TIGD5: variants seen among roughly 807,000 people sequenced by gnomAD.
TIGD5 encodes tigger transposable element derived 5, also known as tigger transposable element-derived protein 5.
A neutral mutation model predicts 28.8 loss-of-function variants in TIGD5; 24 were observed. The observed-to-expected ratio is 0.83, with a 90% CI of 0.60 to 1.17. The LOEUF is 1.17. Ranked by LOEUF, TIGD5 falls within the 50% of genes most tolerant of loss-of-function variation. The probability of loss-of-function intolerance (pLI) is 0.00; values close to 1 mark genes in which losing one functional copy is unlikely to be tolerated. For synonymous variants in TIGD5, 538 were observed against 430.5 expected, an observed-to-expected ratio of 1.25 and a Z score of -3.09; for missense variants, 922 against 911.4, an observed-to-expected ratio of 1.01 and a Z score of -0.15.
At position 143,599,779 on chromosome 8, in the gene TIGD5, C is replaced by T. The variant is rs747170487; in HGVS notation, c.1876C>T (p.Arg626Trp). 1.2e-5 allele frequency: 18 copies of T among 1,486,072 alleles called. No homozygotes were observed. Among genetic ancestry groups the T allele is most frequent in the South Asian group, 4.1e-5 (3 of 73,470 alleles). 92.1% of individuals were successfully genotyped at this position (1,486,072 alleles called of 1,614,324 possible). A position where few individuals can be genotyped will look rare whatever the true frequency, so the allele number is the denominator to read the frequency against. The change falls in exon 1 of 1, where the codon CGG (arginine) becomes TGG (tryptophan). Residue 626 changes from arginine to tryptophan, a missense_variant. Transcript: ENST00000504548. ...GTTGCGCTCACTCATCAGCATGGCC[C>T]GGAGGCTGGGGGGCATCGGGCATAC... Reference protein sequence around the residue: ...VQLRSLISMARRLGGIGHTPA... With the variant: ...VQLRSLISMAWRLGGIGHTPA...
Position 143,599,676 on chromosome 8 carries a change from C to T in TIGD5, c.1773C>T (p.Ala591=), listed in dbSNP as rs772526945. ...CCTCAGTGCCGACTGCCGGGGAGGC[C>T]GTGCGGGGGCTAGAAACAGCTCTGC... ...GGTSVPTAGE[A]VRGLETALRW... is the part of the protein sequence containing the mutation. Residue 591 remains alanine (A), a synonymous_variant, in exon 1 of 1, where the codon GCC becomes GCT. Transcript: ENST00000504548. The T allele has an allele frequency of 5.9e-5, 89 of 1,516,682 alleles. No individual in the cohort carries two copies. Among genetic ancestry groups the T allele is most frequent in the Non-Finnish European group, 7.5e-5 (85 of 1,136,876 alleles). The allele number at this position is 1,516,682 out of a possible 1,614,324, so 94.0% of individuals were successfully genotyped here. A position where few individuals can be genotyped will look rare whatever the true frequency, so the allele number is the denominator to read the frequency against.
At position 143,598,988 on chromosome 8, in the gene TIGD5, G is replaced by A; in HGVS notation, c.1085G>A (p.Cys362Tyr). The A allele has an allele frequency of 6.4e-7, 1 of 1,569,178 alleles. No homozygotes were observed. The highest frequency in any genetic ancestry group is 8.6e-7 in the Non-Finnish European group (1 of 1,163,264). Residue 362 changes from cysteine to tyrosine, a missense_variant, in exon 1 of 1, where the codon TGC becomes TAC. Physicochemically the swap from Cys to Tyr is radical, Grantham distance 194. Coordinates refer to ENST00000504548, the MANE Select transcript of TIGD5 (RefSeq NM_032862.5). The surrounding 1 kb of genome is among the most constrained non-coding windows in gnomAD (Gnocchi z 6.6). ...GTGCTGCTGGTGGCCCACCCGCCCTGCCCAAGCCCAGCTGCCAGTATGCCC... is the reference window on the plus strand; with the variant it reads ...GTGCTGCTGGTGGCCCACCCGCCCTACCCAAGCCCAGCTGCCAGTATGCCC... ...KAVLLVAHPP[C>Y]PSPAASMPAL...
chr8:143,599,277 C>T lies in TIGD5; in HGVS notation c.1374C>T (p.Leu458=). Residue 458 remains leucine, a synonymous_variant, in exon 1 of 1, where the codon CTC becomes CTT. Transcript: ENST00000504548. ...FMRSFMLKDM[L]YLAGLSWDLV... ...GCAGCTTCATGCTCAAGGACATGCT[C>T]TACCTGGCTGGCCTCTCCTGGGACC... The T allele has an allele frequency of 1.2e-6, 2 of 1,610,884 alleles. No individual in the cohort carries two copies. Among genetic ancestry groups the T allele is most frequent in the Non-Finnish European group, 1.7e-6 (2 of 1,179,272 alleles).
At position 143,598,761 on chromosome 8, in the gene TIGD5, C is replaced by G. The variant is rs756001034; in HGVS notation, c.858C>G (p.Ser286Arg). Residue 286 changes from serine to arginine, a missense_variant, in exon 1 of 1, where the codon AGC (serine) becomes AGG (arginine). Coordinates refer to ENST00000504548, the MANE Select transcript of TIGD5 (RefSeq NM_032862.5). This position sits in a 1 kb window ranked among gnomAD's most constrained non-coding sequence, Gnocchi z 6.6. The part of the protein sequence containing the change: ...TVLLAANLTG[S>R]HKLKPLVIGR... Reference sequence around the variant, plus strand: ...TGCTGGCCGCAAACCTGACCGGCAGCCACAAGCTGAAGCCGCTGGTCATCG... The same window carrying G: ...TGCTGGCCGCAAACCTGACCGGCAGGCACAAGCTGAAGCCGCTGGTCATCG... The G allele has an allele frequency of 5.0e-6, 8 of 1,588,940 alleles. No homozygotes were observed. In the African/African-American group the frequency reaches 1.1e-4, roughly 21 times the overall value.
At position 143,600,247 on chromosome 8, in the gene TIGD5, C is replaced by T; in HGVS notation, c.*415C>T. 4.7e-6 allele frequency: 1 copy of T among 210,916 alleles called. No homozygotes were observed. Among genetic ancestry groups the T allele is most frequent in the Non-Finnish European group, 9.4e-6 (1 of 106,892 alleles). 13.1% of individuals were successfully genotyped at this position (210,916 alleles called of 1,614,324 possible). A position where few individuals can be genotyped will look rare whatever the true frequency, so the allele number is the denominator to read the frequency against. Reference sequence around the variant, plus strand: ...TGTGGCCCCGGAGCCACAGCACAATCATCTCAGTGGCGAAGCACACCACTT... The same window carrying T: ...TGTGGCCCCGGAGCCACAGCACAATTATCTCAGTGGCGAAGCACACCACTT... On this transcript the variant is annotated 3_prime_UTR_variant, in exon 1 of 1. Transcript: ENST00000504548.
Position 143,599,780 on chromosome 8 carries a change from G to A in TIGD5, c.1877G>A (p.Arg626Gln), listed in dbSNP as rs771134406. The A allele has an allele frequency of 1.1e-5, 17 of 1,485,782 alleles. No individual in the cohort carries two copies. In the Admixed American group the frequency reaches 2.4e-4, roughly 21 times the overall value. 92.0% of individuals were successfully genotyped at this position (1,485,782 alleles called of 1,614,324 possible). Reference sequence around the variant, plus strand: ...TTGCGCTCACTCATCAGCATGGCCCGGAGGCTGGGGGGCATCGGGCATACC... The same window carrying A: ...TTGCGCTCACTCATCAGCATGGCCCAGAGGCTGGGGGGCATCGGGCATACC... ...VQLRSLISMARRLGGIGHTPA... is the reference protein window; with the variant it reads ...VQLRSLISMAQRLGGIGHTPA... The change falls in exon 1 of 1, where the codon CGG becomes CAG. Residue 626 changes from arginine to glutamine, a missense_variant. Arg to Gln is a conservative substitution (Grantham distance 43). Coordinates refer to ENST00000504548, the MANE Select transcript of TIGD5 (RefSeq NM_032862.5).
chr8:143,602,147 C>T lies in TIGD5; in HGVS notation c.*2315C>T, dbSNP rs1272161182. On this transcript the variant is annotated 3_prime_UTR_variant, in exon 1 of 1. Coordinates refer to ENST00000504548, the MANE Select transcript of TIGD5 (RefSeq NM_032862.5). ...GCACGCTGGTGGGGACATTAGGAGCCTGTCAAGAGTGGGTCTGCCTGCTGG... is the reference window on the plus strand; with the variant it reads ...GCACGCTGGTGGGGACATTAGGAGCTTGTCAAGAGTGGGTCTGCCTGCTGG... 6.6e-6 allele frequency: 1 copy of T among 150,828 alleles called. No individual in the cohort carries two copies. The highest frequency in any genetic ancestry group is 1.5e-5 in the Non-Finnish European group (1 of 67,916). The allele number at this position is 150,828 out of a possible 1,614,324, so 9.3% of individuals were successfully genotyped here.
At position 143,598,197 on chromosome 8, in the gene TIGD5, G is replaced by T. The variant is rs759071922; in HGVS notation, c.294G>T (p.Leu98=). The change falls in exon 1 of 1, where the codon CTG becomes CTT. Residue 98 remains leucine, a synonymous_variant. Transcript: ENST00000504548. The surrounding 1 kb of genome is among the most constrained non-coding windows in gnomAD (Gnocchi z 6.6). ...GCTGGCTCAAGGACGAGCCCAAGCT[G>T]CGCTGGTTCCTGGAGCAGCTGGGCG... The part of the protein sequence containing the change: ...LRGWLKDEPK[L]RWFLEQLGGE... 3 of 1,606,810 alleles carry T rather than the reference G, an allele frequency of 1.9e-6. No individual in the cohort carries two copies. The highest frequency in any genetic ancestry group is 2.3e-5 in the East Asian group (1 of 44,288).
At position 143,598,412 on chromosome 8, in the gene TIGD5, G is replaced by A. The variant is rs1173372584; in HGVS notation, c.509G>A (p.Gly170Asp). 6.6e-7 allele frequency: 1 copy of A among 1,519,704 alleles called. No individual in the cohort carries two copies. Among genetic ancestry groups the A allele is most frequent in the Non-Finnish European group, 8.8e-7 (1 of 1,137,254 alleles). 94.1% of individuals were successfully genotyped at this position (1,519,704 alleles called of 1,614,324 possible). The part of the protein sequence containing the change: ...GPECTFKASH[G>D]WFWRWQKRHG... Reference sequence around the variant, plus strand: ...GAGTGCACCTTCAAGGCCAGCCACGGCTGGTTCTGGCGCTGGCAGAAGCGC... The same window carrying A: ...GAGTGCACCTTCAAGGCCAGCCACGACTGGTTCTGGCGCTGGCAGAAGCGC... The change falls in exon 1 of 1, where the codon GGC (glycine) becomes GAC (aspartate). Residue 170 changes from glycine (G) to aspartate (D), a missense_variant. Gly to Asp is a moderately conservative substitution (Grantham distance 94). Around this residue, in one of 3 missense-constraint regions of TIGD5, gnomAD observed 821 missense variants for 815.2 expected, o/e 1.01. Transcript: ENST00000504548. The surrounding 1 kb of genome is among the most constrained non-coding windows in gnomAD (Gnocchi z 6.6).
In TIGD5 at chr8:143,597,852, T is replaced by C; in HGVS notation, c.-52T>C. On this transcript the variant is annotated 5_prime_UTR_variant, in exon 1 of 1. Transcript: ENST00000504548. ...CCCCGAGTGCCCCGCCCCGAGCGGCTGGGCGTGTGGCTCCCGCGACCCGCG... is the reference window on the plus strand; with the variant it reads ...CCCCGAGTGCCCCGCCCCGAGCGGCCGGGCGTGTGGCTCCCGCGACCCGCG... The C allele has an allele frequency of 1.9e-6, 1 of 515,902 alleles. No individual in the cohort carries two copies. Among genetic ancestry groups the C allele is most frequent in the Non-Finnish European group, 2.5e-6 (1 of 405,950 alleles). The allele number at this position is 515,902 out of a possible 1,614,324, so 32.0% of individuals were successfully genotyped here. A position where few individuals can be genotyped will look rare whatever the true frequency, so the allele number is the denominator to read the frequency against.
In TIGD5 at chr8:143,600,331, G is replaced by T. The variant is rs921182096; in HGVS notation, c.*499G>T. On this transcript the variant is annotated 3_prime_UTR_variant, in exon 1 of 1. Coordinates refer to ENST00000504548, the MANE Select transcript of TIGD5 (RefSeq NM_032862.5). The stretch of plus-strand genomic sequence containing the variant: ...TTTAAAGATACTCTTCAGAGGGGCC[G>T]TGAGAACAGGGGCCGGGTGGGCTGG... 6.5e-6 allele frequency: 1 copy of T among 153,162 alleles called. No individual in the cohort carries two copies. Among genetic ancestry groups the T allele is most frequent in the East Asian group, 1.9e-4 (1 of 5,222 alleles). The allele number at this position is 153,162 out of a possible 1,614,324, so 9.5% of individuals were successfully genotyped here.
Position 143,599,083 on chromosome 8 carries a change from A to G in TIGD5, c.1180A>G (p.Thr394Ala), listed in dbSNP as rs1341964364. The G allele has an allele frequency of 6.3e-7, 1 of 1,577,278 alleles. No individual in the cohort carries two copies. The highest frequency in any genetic ancestry group is 8.6e-7 in the Non-Finnish European group (1 of 1,163,898). Residue 394 changes from threonine to alanine, a missense_variant, in exon 1 of 1, where the codon ACA becomes GCA. Physicochemically the swap from Thr to Ala is moderately conservative, Grantham distance 58. Around this residue, in one of 3 missense-constraint regions of TIGD5, gnomAD observed 821 missense variants for 815.2 expected, o/e 1.01. Coordinates refer to ENST00000504548, the MANE Select transcript of TIGD5 (RefSeq NM_032862.5). The stretch of plus-strand genomic sequence containing the variant: ...CCTCGGTCCCCCGGAGGAGCTGCAG[A>G]CACCGGATGGCGCTGTGCGGGTGCT... ...EPLGPPEELQ[T>A]PDGAVRVLFL...
In TIGD5 at chr8:143,599,516, A is replaced by G; in HGVS notation, c.1613A>G (p.Asp538Gly). The G allele has an allele frequency of 1.3e-6, 2 of 1,588,952 alleles. No homozygotes were observed. Among genetic ancestry groups the G allele is most frequent in the South Asian group, 1.1e-5 (1 of 87,918 alleles). ...EVAEWLHLDD[D>G]GGPPEGCREE... ...GCGGAGTGGCTGCACCTGGACGATGATGGGGGTCCGCCCGAGGGCTGCAGG... is the reference window on the plus strand; with the variant it reads ...GCGGAGTGGCTGCACCTGGACGATGGTGGGGGTCCGCCCGAGGGCTGCAGG... The change falls in exon 1 of 1, where the codon GAT (aspartate) becomes GGT (glycine). Residue 538 changes from aspartate to glycine, a missense_variant. Around this residue, in one of 3 missense-constraint regions of TIGD5, gnomAD observed 821 missense variants for 815.2 expected, o/e 1.01. Transcript: ENST00000504548.
In TIGD5 at chr8:143,599,930, C is replaced by T. The variant is rs992257946; in HGVS notation, c.*98C>T. On this transcript the variant is annotated 3_prime_UTR_variant, in exon 1 of 1. Transcript: ENST00000504548. ...CTCCCCTCCCCCTGGGGTGGCCCAC[C>T]GCATGGGTACAGGGGGTTCCAGGAA... 19 of 1,327,516 alleles carry T rather than the reference C, an allele frequency of 1.4e-5. No homozygotes were observed. The highest frequency in any genetic ancestry group is 2.0e-4 in the Middle Eastern group (1 of 5,056). The allele number at this position is 1,327,516 out of a possible 1,614,324, so 82.2% of individuals were successfully genotyped here.
At position 143,599,595 on chromosome 8, in the gene TIGD5, G is replaced by A. The variant is rs373904830; in HGVS notation, c.1692G>A (p.Leu564=). ...PPAAPPAPAS[L]PSAMGGGEDE... ...CAGCGCCTCCGGCCCCAGCCAGTCT[G>A]CCCTCTGCCATGGGGGGCGGAGAGG... is the stretch of plus-strand genomic sequence containing the variant. Residue 564 remains leucine, a synonymous_variant, in exon 1 of 1, where the codon CTG becomes CTA. Transcript: ENST00000504548. The A allele has an allele frequency of 1.8e-5, 27 of 1,532,908 alleles. 1 individual carries two copies. Among genetic ancestry groups the A allele is most frequent in the Middle Eastern group, 3.5e-4 (2 of 5,768 alleles). 95.0% of individuals were successfully genotyped at this position (1,532,908 alleles called of 1,614,324 possible).
Position 143,599,355 on chromosome 8 carries a change from C to T in TIGD5, c.1452C>T (p.Ala484=). 5.7e-6 allele frequency: 9 copies of T among 1,582,174 alleles called. No homozygotes were observed. Among genetic ancestry groups the T allele is most frequent in the Non-Finnish European group, 7.7e-6 (9 of 1,165,522 alleles). ...ERCWLLGLRA[A]FEPRPGEDSA... is the part of the protein sequence containing the mutation. The stretch of plus-strand genomic sequence containing the variant: ...GCTGGCTGCTGGGCCTGCGGGCTGC[C>T]TTCGAGCCCCGGCCCGGCGAGGACA... The change falls in exon 1 of 1, where the codon GCC becomes GCT. Residue 484 remains alanine, a synonymous_variant. Coordinates refer to ENST00000504548, the MANE Select transcript of TIGD5 (RefSeq NM_032862.5).
Position 143,601,650 on chromosome 8 carries a change from T to C in TIGD5, c.*1818T>C, listed in dbSNP as rs1206192784. On this transcript the variant is annotated 3_prime_UTR_variant, in exon 1 of 1. Transcript: ENST00000504548. The stretch of plus-strand genomic sequence containing the variant: ...TTGGCGAGGCTTTCATTTCCAACCT[T>C]TCTTCCCATCTCAGCCCTTTTGTTG... 2 of 152,408 alleles carry C rather than the reference T, an allele frequency of 1.3e-5. No individual in the cohort carries two copies. Among genetic ancestry groups the C allele is most frequent in the East Asian group, 1.9e-4 (1 of 5,204 alleles). 9.4% of individuals were successfully genotyped at this position (152,408 alleles called of 1,614,324 possible).
chr8:143,597,920 C>T lies in TIGD5; in HGVS notation c.17C>T (p.Pro6Leu), dbSNP rs1326707445. 3.5e-6 allele frequency: 3 copies of T among 857,856 alleles called. No homozygotes were observed. Among genetic ancestry groups the T allele is most frequent in the African/African-American group, 3.7e-5 (2 of 54,266 alleles). The allele number at this position is 857,856 out of a possible 1,614,324, so 53.1% of individuals were successfully genotyped here. The change falls in exon 1 of 1, where the codon CCC becomes CTC. Residue 6 changes from proline to leucine, a missense_variant. By Grantham distance (98) the Pro-to-Leu change is moderately conservative (BLOSUM62 -3). Transcript: ENST00000504548. MYPAG[P>L]PAGPVPRRGR... ...GCCGCAGCCATGTACCCCGCGGGCC[C>T]CCCGGCCGGCCCGGTACCGCGCCGC...
Position 143,599,480 on chromosome 8 carries a change from C to G in TIGD5, c.1577C>G (p.Pro526Arg). 1.3e-6 allele frequency: 2 copies of G among 1,592,242 alleles called. No individual in the cohort carries two copies. Among genetic ancestry groups the G allele is most frequent in the Non-Finnish European group, 1.7e-6 (2 of 1,170,336 alleles). ...LAALAYKCLA[P>R]EEVAEWLHLD... ...GCTCTGGCCTACAAGTGCCTGGCTC[C>G]GGAGGAGGTTGCGGAGTGGCTGCAC... is the stretch of plus-strand genomic sequence containing the variant. Residue 526 changes from proline (P) to arginine (R), a missense_variant, in exon 1 of 1, where the codon CCG (proline) becomes CGG (arginine). Transcript: ENST00000504548.
Sources: allele counts gnomAD v4.1 joint callset, GRCh38; gene constraint gnomAD v4.1.1; regional missense constraint gnomAD v4.1.1; non-coding constraint Gnocchi (gnomAD v3.1); transcripts MANE v1.5; gene names NCBI Gene and HGNC (gene_info 2026-07-23, HGNC 2026-07-21).